FOXN2: variants seen among roughly 807,000 people sequenced by gnomAD.
FOXN2 encodes forkhead box N2.
A neutral mutation model predicts 41.2 loss-of-function variants in FOXN2; 19 were observed. The ratio of observed to expected loss-of-function variants is 0.46; its 90% CI spans 0.32 to 0.68. The LOEUF (loss-of-function observed/expected upper bound fraction) is 0.68. Ranked by LOEUF, FOXN2 falls within the 30% of genes least tolerant of loss-of-function variation. The pLI is 0.03. For synonymous variants in FOXN2, 195 were observed against 176.8 expected (o/e 1.10, Z -0.82); for missense variants, 587 against 509.4 (o/e 1.15, Z -1.47).
At chr2:48,329,802 A>G (rs1455287949) in intron 2 of FOXN2, among the ~76,000 whole-genome samples, 3 of 152,176 alleles carry the variant, frequency 2.0e-5, no homozygotes, top group South Asian at 2.1e-4. Context: ...TGTTAAATCA[A>G]TAGGAAAGGT....
chr2:48,362,798 A>T (rs1410522142), intron 5 of FOXN2, 91 bp downstream of exon 5: 20 of 1,067,974 alleles, frequency 1.9e-5, no homozygotes, highest in Non-Finnish European at 2.4e-5. Flanking sequence ...CCCTAAGATT[A>T]TAATGGAGCT....
At chr2:48,333,521 C>T (rs1003920753) in intron 2 of FOXN2, among the ~76,000 whole-genome samples, 1 of 152,036 alleles carries the variant, frequency 6.6e-6, no homozygotes, top group Non-Finnish European at 1.5e-5. Context: ...AAGAGACTTA[C>T]AAGTATTTGT....
At chr2:48,371,212 A>G (rs942189815) in intron 5 of FOXN2, among the ~76,000 whole-genome samples, 2 of 152,148 alleles carry the variant, frequency 1.3e-5, no homozygotes, top group African/African-American at 4.8e-5. Context: ...AGCCTGGCCA[A>G]CATGGTGAAA....
chr2:48,371,710 C>G (rs12052754), intron 5 of FOXN2, among the ~76,000 whole-genome samples: 16,538 of 152,062 alleles, frequency 0.11, 1,361 homozygotes, highest in East Asian at 0.45. Flanking sequence ...TTTAACAATA[C>G]TAATTTTTCC....
intron 5 of FOXN2, among the ~76,000 whole-genome samples, chr2:48,363,395 G>T (rs538538687): frequency 6.6e-6 from 1 of 152,088 alleles, no homozygotes; most frequent in Admixed American, 6.5e-5. Flanking sequence ...AGTTTATAAA[G>T]TAAAAGTTTA....
intron 2 of FOXN2, among the ~76,000 whole-genome samples, chr2:48,333,368 A>G (rs1016996931): frequency 7.9e-5 from 12 of 152,098 alleles, no homozygotes; most frequent in Admixed American, 7.9e-4. Context: ...TCCTATATAC[A>G]TTTTATATAG....
rs1223388108 is a variant in FOXN2, at chr2:48,346,488, G to A, written c.274G>A (p.Asp92Asn). Reference protein sequence around the residue: ...VSPLYDIEGDDVPSFGPACYQ... With the variant: ...VSPLYDIEGDNVPSFGPACYQ... ...TCCATTGTATGACATAGAGGGAGAT[G>A]ATGTGCCATCCTTTGGACCAGCTTG... The change falls in exon 3 of 7, where the codon GAT (aspartate) becomes AAT (asparagine). Residue 92 changes from aspartate (D) to asparagine (N), a missense_variant. Asp to Asn is a conservative substitution (Grantham distance 23). Coordinates refer to ENST00000340553, the MANE Select transcript of FOXN2 (RefSeq NM_002158.4). 1 of 1,614,122 alleles carries A rather than the reference G, an allele frequency of 6.2e-7. No homozygotes were observed. Among genetic ancestry groups the A allele is most frequent in the Admixed American group, 1.7e-5 (1 of 60,002 alleles).
chr2:48,322,658 A>AT (rs1294943423), intron 1 of FOXN2, among the ~76,000 whole-genome samples: 4 of 150,198 alleles, frequency 2.7e-5, no homozygotes, highest in African/African-American at 9.8e-5. Flanking sequence ...TTTCCCTTTT[A>AT]TTTTAAATTC....
At chr2:48,351,858 C>A (rs2104409938) in intron 3 of FOXN2, among the ~76,000 whole-genome samples, 1 of 152,164 alleles carries the variant, frequency 6.6e-6, no homozygotes, top group East Asian at 1.9e-4. Context: ...GAAAAGTTTG[C>A]CATTGAAGTG....
At chr2:48,329,900 T>C (rs1457179947) in intron 2 of FOXN2, among the ~76,000 whole-genome samples, 1 of 152,114 alleles carries the variant, frequency 6.6e-6, no homozygotes, top group African/African-American at 2.4e-5. Context: ...AGAATATCTT[T>C]AAAGCTGTAG....
intron 2 of FOXN2, among the ~76,000 whole-genome samples, chr2:48,339,516 T>A (rs1346027327): frequency 6.6e-6 from 1 of 152,208 alleles, no homozygotes; most frequent in African/African-American, 2.4e-5. Flanking sequence ...CATGCAAAAC[T>A]ATGAGCCAAT....
intron 3 of FOXN2, among the ~76,000 whole-genome samples, chr2:48,350,885 G>A (rs970732278): frequency 3.3e-5 from 5 of 152,038 alleles, no homozygotes; most frequent in African/African-American, 1.2e-4. Context: ...ATTCTTTTAC[G>A]ACTGCCATCT....
At chr2:48,366,353 C>CAA (rs372215355) in intron 5 of FOXN2, among the ~76,000 whole-genome samples, 8 of 92,264 alleles carry the variant, frequency 8.7e-5, no homozygotes, top group East Asian at 5.3e-4. Flanking sequence ...AGTGAGACTC[C>CAA]AAAAAAAAAA....
chr2:48,321,461 G>C (rs1015106081), intron 1 of FOXN2, among the ~76,000 whole-genome samples: 1 of 152,118 alleles, frequency 6.6e-6, no homozygotes, highest in Non-Finnish European at 1.5e-5. Context: ...GCCTGAACCC[G>C]GGAGGCAGAG....
intron 2 of FOXN2, among the ~76,000 whole-genome samples, 189 bp from the exon 3 acceptor site, chr2:48,346,012 C>G (rs1465096921): frequency 2.0e-5 from 3 of 152,160 alleles, no homozygotes; most frequent in Non-Finnish European, 4.4e-5. Context: ...GCCATTTCAA[C>G]TAATATAAGT....
At chr2:48,371,169 A>C (rs929522508) in intron 5 of FOXN2, among the ~76,000 whole-genome samples, 1 of 152,196 alleles carries the variant, frequency 6.6e-6, no homozygotes, top group Non-Finnish European at 1.5e-5. Context: ...AGGCCGAGGC[A>C]GGCAGATCAC....
rs766201886 is a variant in FOXN2 at position 48,359,117 on chromosome 2, A to G, written c.608A>G (p.Lys203Arg). The G allele has an allele frequency of 6.2e-7, 1 of 1,613,748 alleles. No homozygotes were observed. Among genetic ancestry groups the G allele is most frequent in the Non-Finnish European group, 8.5e-7 (1 of 1,179,780 alleles). Residue 203 changes from lysine to arginine, a missense_variant, in exon 4 of 7, where the codon AAG becomes AGG. Lys to Arg is a conservative substitution (Grantham distance 26). Transcript: ENST00000340553. ...YKPNLIQALK[K>R]QPFSSASSQN... ...CCCAATCTTATCCAGGCACTGAAGA[A>G]GCAACCTTTTTCTTCAGCATCTTCA...
intron 1 of FOXN2, among the ~76,000 whole-genome samples, 173 bp downstream of exon 1, chr2:48,314,987 G>A (rs1668798622): frequency 6.6e-6 from 1 of 152,206 alleles, no homozygotes; most frequent in Non-Finnish European, 1.5e-5. Flanking sequence ...TTGCGCCGGC[G>A]CGGGGGTGTC....
rs75276964 is a variant in FOXN2, at chr2:48,378,088, C to T, written c.*2645C>T. On this transcript the variant is annotated 3_prime_UTR_variant, in exon 7 of 7. Transcript: ENST00000340553. ...GAATATGTTTTGTTGCAGCTGATTC[C>T]AGTTTATAATAGATCCCTAGTAAAA... is the stretch of plus-strand genomic sequence containing the variant. 3 of 152,502 alleles carry T rather than the reference C, an allele frequency of 2.0e-5. No individual in the cohort carries two copies. Among genetic ancestry groups the T allele is most frequent in the East Asian group, 3.9e-4 (2 of 5,184 alleles). 9.4% of individuals were successfully genotyped at this position (152,502 alleles called of 1,614,324 possible). A position where few individuals can be genotyped will look rare whatever the true frequency, so the allele number is the denominator to read the frequency against.
Sources: allele counts gnomAD v4.1 joint callset (sites outside exome capture counted in the v4.1 genomes callset), GRCh38; gene constraint gnomAD v4.1.1; transcripts MANE v1.5; gene names NCBI Gene and HGNC (gene_info 2026-07-23, HGNC 2026-07-21).